Variants in CCSER1 observed in about 807,000 individuals in gnomAD.
The protein encoded by CCSER1 is coiled-coil serine rich protein 1, also known as serine-rich coiled-coil domain-containing protein 1.
CCSER1 carries 41 observed loss-of-function variants against 82.0 expected under a neutral mutation model. That is an observed-to-expected ratio of 0.50 (90% CI 0.39 to 0.65). The LOEUF is 0.65. Among genes scored for constraint, CCSER1 ranks in the 30% least tolerant of loss-of-function variants. The pLI is 0.00. For synonymous variants in CCSER1, 414 were observed against 383.9 expected (o/e 1.08, Z -0.92); for missense variants, 1,119 against 1,064.2 (o/e 1.05, Z -0.72).
intron 4 of CCSER1, among the ~76,000 whole-genome samples, chr4:90,466,691 GA>G (rs1763693359): frequency 2.0e-5 from 3 of 152,110 alleles, no homozygotes; most frequent in Non-Finnish European, 1.5e-5. Context: ...ACTTTAATAA[GA>G]AAAAAGTGAC....
intron 6 of CCSER1, among the ~76,000 whole-genome samples, chr4:90,672,515 A>T (rs140399520): frequency 6.6e-6 from 1 of 152,000 alleles, no homozygotes; most frequent in Non-Finnish European, 1.5e-5. Flanking sequence ...TTGATCTTCT[A>T]TTGAGATCAC....
chr4:91,279,979 T>C (rs1244860814), intron 10 of CCSER1, among the ~76,000 whole-genome samples: 1 of 152,234 alleles, frequency 6.6e-6, no homozygotes, highest in Non-Finnish European at 1.5e-5. Flanking sequence ...TCATGTGCCG[T>C]AGTATAGTCT....
At chr4:90,889,138 A>T (rs540107165) in intron 8 of CCSER1, among the ~76,000 whole-genome samples, 3 of 152,310 alleles carry the variant, frequency 2.0e-5, no homozygotes, top group Admixed American at 2.0e-4. Flanking sequence ...TGAAAGAATC[A>T]GTATATTGTT....
intron 10 of CCSER1, among the ~76,000 whole-genome samples, chr4:91,350,116 C>G (rs1218843879): frequency 6.7e-6 from 1 of 149,998 alleles, no homozygotes; most frequent in East Asian, 2.0e-4. Context: ...ATGAATTAAA[C>G]CTTTAATACA....
chr4:90,859,577 G>T (rs1014944605), intron 8 of CCSER1, among the ~76,000 whole-genome samples: 5 of 151,728 alleles, frequency 3.3e-5, no homozygotes, highest in African/African-American at 7.2e-5. Context: ...CCTAAAATCT[G>T]AACTTCAAAT....
chr4:90,605,517 A>T (rs1784589230), intron 5 of CCSER1, among the ~76,000 whole-genome samples: 1 of 152,228 alleles, frequency 6.6e-6, no homozygotes, highest in South Asian at 2.1e-4. Context: ...TATTATATGC[A>T]TGTAAGACTG....
At chr4:91,485,084 A>G (rs967069288) in intron 10 of CCSER1, among the ~76,000 whole-genome samples, 28 of 152,148 alleles carry the variant, frequency 1.8e-4, no homozygotes, top group Non-Finnish European at 7.4e-5. Flanking sequence ...CTAAAAGTCA[A>G]TGTAGACTTG....
At chr4:90,995,370 G>T (rs928983409) in intron 9 of CCSER1, among the ~76,000 whole-genome samples, 1 of 152,092 alleles carries the variant, frequency 6.6e-6, no homozygotes, top group Non-Finnish European at 1.5e-5. Flanking sequence ...TTAATAGTCA[G>T]CCCTTAGATA....
chr4:90,269,009 A>G (rs769519033), intron 1 of CCSER1, among the ~76,000 whole-genome samples: 1 of 152,134 alleles, frequency 6.6e-6, no homozygotes, highest in African/African-American at 2.4e-5. Flanking sequence ...ACAATTATAA[A>G]TATACGTGCA....
intron 8 of CCSER1, among the ~76,000 whole-genome samples, chr4:90,849,338 C>T (rs942913121): frequency 1.3e-5 from 2 of 152,164 alleles, no homozygotes; most frequent in Non-Finnish European, 2.9e-5. Flanking sequence ...TACAAAGGTA[C>T]TGGTGGCATT....
At chr4:91,343,970 G>GTACA (rs1203589178) in intron 10 of CCSER1, among the ~76,000 whole-genome samples, 1 of 152,082 alleles carries the variant, frequency 6.6e-6, no homozygotes, top group East Asian at 1.9e-4. Context: ...GGCCTTTGAA[G>GTACA]GTGATATGTG....
chr4:91,155,087 T>A (rs925532898), intron 10 of CCSER1, among the ~76,000 whole-genome samples: 1 of 151,918 alleles, frequency 6.6e-6, no homozygotes, highest in Non-Finnish European at 1.5e-5. Context: ...CATAATTCTT[T>A]GGGCTTGTCA....
intron 9 of CCSER1, among the ~76,000 whole-genome samples, chr4:90,925,152 T>C (rs1388831874): frequency 6.6e-6 from 1 of 152,178 alleles, no homozygotes. Context: ...ATATGAGTAA[T>C]AAAATCATAA....
intron 10 of CCSER1, among the ~76,000 whole-genome samples, chr4:91,341,280 A>G (rs1747701539): frequency 6.6e-6 from 1 of 152,214 alleles, no homozygotes; most frequent in African/African-American, 2.4e-5. Flanking sequence ...ATGGAAAATA[A>G]AAATGCACTG....
chr4:90,501,369 A>T (rs1182841685), intron 5 of CCSER1, among the ~76,000 whole-genome samples: 1 of 152,196 alleles, frequency 6.6e-6, no homozygotes, highest in African/African-American at 2.4e-5. Flanking sequence ...ACATAAAATG[A>T]GACTGTGTTG....
At chr4:90,707,188 T>C (rs1437333690) in intron 6 of CCSER1, among the ~76,000 whole-genome samples, 3 of 152,174 alleles carry the variant, frequency 2.0e-5, no homozygotes, top group African/African-American at 7.2e-5. Flanking sequence ...AAATAGTCCA[T>C]GTTTAGACAC....
chr4:90,875,237 G>A (rs1016306312), intron 8 of CCSER1, among the ~76,000 whole-genome samples: 1 of 152,036 alleles, frequency 6.6e-6, no homozygotes, highest in African/African-American at 2.4e-5. Flanking sequence ...AAAGAAAAGG[G>A]GGATGATAAA....
chr4:90,388,132 G>T (rs538218438), intron 3 of CCSER1, among the ~76,000 whole-genome samples: 2 of 152,216 alleles, frequency 1.3e-5, no homozygotes, highest in South Asian at 4.1e-4. Flanking sequence ...TTCATTTTAT[G>T]GAAAAGCATG....
At chr4:90,217,926 GCTGAGACTACAGACACACACCACCACAT>G (rs1741398232) in intron 1 of CCSER1, among the ~76,000 whole-genome samples, 1 of 151,986 alleles carries the variant, frequency 6.6e-6, no homozygotes, top group Non-Finnish European at 1.5e-5. Context: ...CTTATGAGTA[GCTGAGACTACAGACACACACCACCACAT>G]CTGGCAAATT....
Sources: allele counts gnomAD v4.1 joint callset (sites outside exome capture counted in the v4.1 genomes callset), GRCh38; gene constraint gnomAD v4.1.1; transcripts MANE v1.5; gene names NCBI Gene and HGNC (gene_info 2026-07-23, HGNC 2026-07-21).